The following RBFOX1 variants were observed in gnomAD, a reference collection of about 807,000 sequenced individuals.
RBFOX1 encodes the protein RNA binding protein fox-1 homolog 1.
RBFOX1 carries 8 observed loss-of-function variants against 57.7 expected under a neutral mutation model. The ratio of observed to expected loss-of-function variants is 0.14; its 90% CI spans 0.08 to 0.25. The LOEUF is 0.25. RBFOX1 is among the 10% of genes least tolerant of loss of function. The probability of loss-of-function intolerance (pLI) is 1.00; values close to 1 mark genes in which losing one functional copy is unlikely to be tolerated. For missense variants in RBFOX1, 611 were observed against 548.5 expected (o/e 1.11, Z -1.14); for synonymous variants, 326 against 222.4 (o/e 1.47, Z -4.15).
chr16:7,037,277 T>C (rs1451009295), intron 3 of RBFOX1, among the ~76,000 whole-genome samples: 1 of 149,024 alleles, frequency 6.7e-6, no homozygotes, highest in Non-Finnish European at 1.5e-5. Context: ...TTTGCTCTTG[T>C]TGCCCAGGCT....
chr16:5,853,285 T>C (rs1371725792), intron 3 of RBFOX1, among the ~76,000 whole-genome samples: 1 of 152,128 alleles, frequency 6.6e-6, no homozygotes, highest in Non-Finnish European at 1.5e-5. Flanking sequence ...CCTCACCTCC[T>C]GAGAACGGCC....
intron 1 of RBFOX1, among the ~76,000 whole-genome samples, chr16:6,275,049 A>G (rs2075645973): frequency 1.3e-5 from 2 of 152,276 alleles, no homozygotes; most frequent in South Asian, 2.1e-4. Context: ...TTCTACAGAG[A>G]GTCACATTGT....
intron 1 of RBFOX1, among the ~76,000 whole-genome samples, chr16:6,260,798 T>G (rs1020143949): frequency 6.6e-6 from 1 of 152,012 alleles, no homozygotes; most frequent in African/African-American, 2.4e-5. Flanking sequence ...AGAGAATCGC[T>G]TGAACCTGGG....
chr16:5,971,324 A>T (rs1229806244), intron 4 of RBFOX1, among the ~76,000 whole-genome samples: 1 of 152,220 alleles, frequency 6.6e-6, no homozygotes, highest in Non-Finnish European at 1.5e-5. Flanking sequence ...TCATGTGTGG[A>T]CGTTATCCTC....
At chr16:5,457,083 A>G (rs2068653231) in intron 1 of RBFOX1, among the ~76,000 whole-genome samples, 1 of 152,074 alleles carries the variant, frequency 6.6e-6, no homozygotes, top group Non-Finnish European at 1.5e-5. Flanking sequence ...TGGTTTGTGG[A>G]TGGCTGTCTT....
chr16:6,631,609 T>C (rs777085046), intron 2 of RBFOX1, among the ~76,000 whole-genome samples: 7 of 152,034 alleles, frequency 4.6e-5, no homozygotes, highest in Non-Finnish European at 7.4e-5. Flanking sequence ...AGAAGCTAGT[T>C]GATGTGGAGA....
intron 3 of RBFOX1, among the ~76,000 whole-genome samples, chr16:6,880,942 A>G (rs909729321): frequency 6.6e-6 from 1 of 152,214 alleles, no homozygotes; most frequent in Non-Finnish European, 1.5e-5. Flanking sequence ...ATGCTACATT[A>G]GGAGATTCAA....
chr16:6,528,187 C>T (rs577684277), intron 2 of RBFOX1, among the ~76,000 whole-genome samples: 1 of 152,164 alleles, frequency 6.6e-6, no homozygotes, highest in Non-Finnish European at 1.5e-5. Flanking sequence ...ATCCTCCCCC[C>T]ATAAATTGCC....
chr16:7,388,101 C>G (rs954832155), intron 4 of RBFOX1, among the ~76,000 whole-genome samples: 1 of 151,866 alleles, frequency 6.6e-6, no homozygotes, highest in Non-Finnish European at 1.5e-5. Context: ...TGATCAAGAT[C>G]ATATAAACAT....
intron 4 of RBFOX1, among the ~76,000 whole-genome samples, chr16:7,354,186 G>T (rs1003169261): frequency 6.6e-6 from 1 of 152,038 alleles, no homozygotes; most frequent in Non-Finnish European, 1.5e-5. Context: ...GGTCAGACTG[G>T]TCTCAAACTC....
intron 1 of RBFOX1, chr16:5,366,164 G>A: frequency 2.4e-6 from 1 of 424,376 alleles, no homozygotes; most frequent in Non-Finnish European, 4.6e-6. Context: ...AAGATGCAGA[G>A]TCAGAAGACG....
intron 3 of RBFOX1, among the ~76,000 whole-genome samples, chr16:5,653,934 C>T (rs1311526574): frequency 6.6e-6 from 1 of 152,186 alleles, no homozygotes; most frequent in African/African-American, 2.4e-5. Context: ...CTCGTCTATT[C>T]TCCTTCTCAC....
chr16:7,579,096 C>T (rs2093555375), intron 5 of RBFOX1, among the ~76,000 whole-genome samples: 1 of 152,160 alleles, frequency 6.6e-6, no homozygotes, highest in South Asian at 2.1e-4. Flanking sequence ...TGAAATGCAG[C>T]TAATGCAAAC....
At chr16:7,692,443 C>T (rs952181269) in intron 14 of RBFOX1, among the ~76,000 whole-genome samples, 1 of 152,038 alleles carries the variant, frequency 6.6e-6, no homozygotes, top group African/African-American at 2.4e-5. Context: ...ACCAATCATA[C>T]TAAGAAGAAA....
At chr16:5,921,251 A>G (rs763652802) in intron 4 of RBFOX1, among the ~76,000 whole-genome samples, 18 of 152,170 alleles carry the variant, frequency 1.2e-4, no homozygotes, top group Non-Finnish European at 2.2e-4. Context: ...GTAGCTTCTC[A>G]TGTGACCAGG....
intron 2 of RBFOX1, among the ~76,000 whole-genome samples, chr16:6,499,039 T>A (rs1005807835): frequency 1.3e-5 from 2 of 152,202 alleles, no homozygotes; most frequent in African/African-American, 2.4e-5. Flanking sequence ...GACAGGTTAG[T>A]AATTAACTTA....
chr16:6,535,390 A>G (rs756421743), intron 2 of RBFOX1, among the ~76,000 whole-genome samples: 1 of 151,374 alleles, frequency 6.6e-6, no homozygotes. Flanking sequence ...GATTCACTAG[A>G]AGTCTCACAA....
At chr16:5,624,019 C>G (rs181689981) in intron 3 of RBFOX1, among the ~76,000 whole-genome samples, 16 of 152,188 alleles carry the variant, frequency 1.1e-4, no homozygotes, top group African/African-American at 3.6e-4. Flanking sequence ...TGATTTGATC[C>G]TTACAGAACT....
intron 4 of RBFOX1, among the ~76,000 whole-genome samples, chr16:7,398,931 A>T (rs1217755607): frequency 6.6e-6 from 1 of 152,188 alleles, no homozygotes; most frequent in Non-Finnish European, 1.5e-5. Flanking sequence ...GTAGCTTTAT[A>T]ACAATAGAAA....
Sources: allele counts gnomAD v4.1 joint callset (sites outside exome capture counted in the v4.1 genomes callset), GRCh38; gene constraint gnomAD v4.1.1; transcripts MANE v1.5; gene names NCBI Gene and HGNC (gene_info 2026-07-23, HGNC 2026-07-21).